The following USP34 variants were observed in gnomAD, a reference collection of about 807,000 sequenced individuals.
USP34 encodes the protein ubiquitin carboxyl-terminal hydrolase 34.
A neutral mutation model predicts 460.3 loss-of-function variants in USP34; 70 were observed. The observed-to-expected ratio is 0.15, with a 90% CI of 0.13 to 0.19. USP34 has a LOEUF of 0.19. Ranked by LOEUF, USP34 falls within the 10% of genes least tolerant of loss-of-function variation. The probability of loss-of-function intolerance (pLI) is 1.00; values close to 1 mark genes in which losing one functional copy is unlikely to be tolerated. For synonymous variants in USP34, 1,647 were observed against 1,405.3 expected, an observed-to-expected ratio of 1.17 and a Z score of -3.85; for missense variants, 3,985 against 4,236.2, an observed-to-expected ratio of 0.94 and a Z score of 1.65.
At chr2:61,192,417 C>T (rs541546370) in intron 76 of USP34, among the ~76,000 whole-genome samples, 6 of 152,318 alleles carry the variant, frequency 3.9e-5, no homozygotes, top group African/African-American at 1.4e-4. Flanking sequence ...AGTAATCTTT[C>T]CTGTTTTCAA....
At chr2:61,308,774 C>T (rs1690492060) in intron 27 of USP34, among the ~76,000 whole-genome samples, 1 of 152,164 alleles carries the variant, frequency 6.6e-6, no homozygotes, top group African/African-American at 2.4e-5. Flanking sequence ...GGCATGGTGG[C>T]TCATGTCTGT....
intron 67 of USP34, among the ~76,000 whole-genome samples, chr2:61,216,982 G>C (rs1053437532): frequency 1.3e-5 from 2 of 149,272 alleles, no homozygotes; most frequent in African/African-American, 2.5e-5. Flanking sequence ...ACATTTCTTT[G>C]AGTTATTTTT....
At chr2:61,467,795 G>C (rs1695822678) in intron 1 of USP34, among the ~76,000 whole-genome samples, 1 of 151,632 alleles carries the variant, frequency 6.6e-6, no homozygotes, top group Admixed American at 6.6e-5. Flanking sequence ...GCTAATTGGT[G>C]AATTTTTAGT....
intron 5 of USP34, 62 bp from the exon 6 acceptor site, chr2:61,383,398 T>C (rs1381572967): frequency 7.8e-7 from 1 of 1,278,562 alleles, no homozygotes; most frequent in Non-Finnish European, 1.1e-6. Context: ...TATCTTTCAC[T>C]AAACTAATGA....
chr2:61,387,120 ATAAG>A (rs895633218), intron 5 of USP34, among the ~76,000 whole-genome samples: 3 of 152,150 alleles, frequency 2.0e-5, no homozygotes, highest in African/African-American at 7.2e-5. Flanking sequence ...AAAAATCCAA[ATAAG>A]TAATATGCCT....
chr2:61,470,075 G>A (rs1420841431), intron 1 of USP34, among the ~76,000 whole-genome samples: 1 of 152,228 alleles, frequency 6.6e-6, no homozygotes, highest in Non-Finnish European at 1.5e-5. Context: ...AAATAGGTAT[G>A]AAGGTTCCAA....
intron 15 of USP34, chr2:61,346,191 A>G (rs970185038): frequency 6.6e-6 from 1 of 152,070 alleles, no homozygotes; most frequent in Non-Finnish European, 1.5e-5. Context: ...TATAATACCA[A>G]CTAGCCATAT....
At position 61,422,728 on chromosome 2, in the gene USP34, GAACT is replaced by G. The variant is rs796757372; in HGVS notation, c.44-1899_44-1896del. On this transcript the variant is annotated intron_variant, in intron 1 of 79. Coordinates refer to ENST00000398571, the MANE Select transcript of USP34 (RefSeq NM_014709.4). ...AAGGATTACACAAGAAGAACTGTTA[GAACT>G]AACAGCCGGTAATCCCAGCACTTTG... Among the ~76,000 whole-genome samples the G allele has an allele frequency of 2.1e-4, 32 of 152,344 alleles. 1 individual carries two copies. Among genetic ancestry groups the G allele is most frequent in the African/African-American group, 7.2e-4 (30 of 41,592 alleles).
chr2:61,188,150 G>C lies in USP34; in HGVS notation c.10593C>G (p.Ile3531Met). The C allele has an allele frequency of 6.2e-7, 1 of 1,614,090 alleles. No homozygotes were observed. Among genetic ancestry groups the C allele is most frequent in the Non-Finnish European group, 8.5e-7 (1 of 1,180,024 alleles). The change falls in exon 80 of 80, where the codon ATC (isoleucine) becomes ATG (methionine). Residue 3531 changes from isoleucine to methionine, a missense_variant. Physicochemically the swap from Ile to Met is conservative, Grantham distance 10. This residue lies in a region of USP34 where 506 missense variants were observed against 439.0 expected (regional missense o/e 1.15). Transcript: ENST00000398571. The part of the protein sequence containing the change: ...DTLCRTIEST[I>M]HVVTRISGKG... The stretch of plus-strand genomic sequence containing the variant: ...TGCCAGATATCCTTGTGACGACATG[G>C]ATTGTAGATTCAATGGTCCTACACA...
chr2:61,348,534 G>T lies in USP34; in HGVS notation c.1675-54C>A, dbSNP rs1011040025. On this transcript the variant is annotated intron_variant, in intron 14 of 79. Coordinates refer to ENST00000398571, the MANE Select transcript of USP34 (RefSeq NM_014709.4). ...AAATATTTAAACCAGTAAGAAAAAAGGTAACCAACATTAATAAACTGTACT... is the reference window on the plus strand; with the variant it reads ...AAATATTTAAACCAGTAAGAAAAAATGTAACCAACATTAATAAACTGTACT... 20 of 1,556,392 alleles carry T rather than the reference G, an allele frequency of 1.3e-5. No individual in the cohort carries two copies. In the Admixed American group the frequency reaches 2.6e-4, roughly 20 times the overall value.
At chr2:61,258,701 G>A (rs763013389) in intron 44 of USP34, among the ~76,000 whole-genome samples, 5 of 152,110 alleles carry the variant, frequency 3.3e-5, no homozygotes, top group East Asian at 3.9e-4. Context: ...CATTCTGTTC[G>A]TAATGAAGAA....
At chr2:61,198,557 CTTTT>C (rs11340973) in intron 75 of USP34, among the ~76,000 whole-genome samples, 26 of 139,538 alleles carry the variant, frequency 1.9e-4, no homozygotes, top group African/African-American at 6.1e-4. Context: ...ATCTGATAGA[CTTTT>C]TTTTTTTTTT....
intron 34 of USP34, 23 bp downstream of exon 34, chr2:61,288,654 A>T: frequency 6.2e-7 from 1 of 1,604,362 alleles, no homozygotes; most frequent in Non-Finnish European, 8.5e-7. Flanking sequence ...ATTCATCATT[A>T]AACATTAATT....
intron 10 of USP34, among the ~76,000 whole-genome samples, chr2:61,351,216 G>C (rs1691933837): frequency 6.6e-6 from 1 of 152,056 alleles, no homozygotes; most frequent in Non-Finnish European, 1.5e-5. Flanking sequence ...ATACAAATAA[G>C]ACAATAAATT....
intron 58 of USP34, among the ~76,000 whole-genome samples, chr2:61,232,230 T>C (rs960677244): frequency 6.6e-6 from 1 of 152,202 alleles, no homozygotes; most frequent in African/African-American, 2.4e-5. Context: ...AATCTTCCTA[T>C]ATCCAGGAAA....
In USP34 at chr2:61,228,957, C is replaced by T; in HGVS notation, c.7238G>A (p.Gly2413Asp). The change falls in exon 60 of 80, where the codon GGT becomes GAT. Residue 2413 changes from glycine (G) to aspartate (D), a missense_variant. This residue lies in a region of USP34 where 604 missense variants were observed against 684.8 expected (regional missense o/e 0.88). Transcript: ENST00000398571. ...CACAAAGCGAGTGACACATGAACGACCACCAATATCTTCTACTGAGGTATC... is the reference window on the plus strand; with the variant it reads ...CACAAAGCGAGTGACACATGAACGATCACCAATATCTTCTACTGAGGTATC... Reference protein sequence around the residue: ...DMDTSVEDIGGRSCVTRFVRT... With the variant: ...DMDTSVEDIGDRSCVTRFVRT... The T allele has an allele frequency of 6.2e-7, 1 of 1,606,480 alleles. No individual in the cohort carries two copies. Among genetic ancestry groups the T allele is most frequent in the Non-Finnish European group, 8.5e-7 (1 of 1,176,446 alleles).
intron 21 of USP34, among the ~76,000 whole-genome samples, chr2:61,322,543 G>T (rs1368135814): frequency 6.6e-6 from 1 of 152,222 alleles, no homozygotes; most frequent in Non-Finnish European, 1.5e-5. Context: ...CATTTTAAGA[G>T]GTTCCAAACC....
Position 61,266,126 on chromosome 2 carries a change from T to A in USP34, c.5475A>T (p.Pro1825=), listed in dbSNP as rs558535715. ...TTGGCTGTTGTCGGTCCTTTAGACT[T>A]GGCAACAAAAACAGGAGATTGAAGA... ...RDIFNLLFLL[P]SLKDRQQPKC... is the part of the protein sequence containing the mutation. The change falls in exon 42 of 80, where the codon CCA becomes CCT. Residue 1825 remains proline (P), a synonymous_variant. Transcript: ENST00000398571. 3 of 1,613,148 alleles carry A rather than the reference T, an allele frequency of 1.9e-6. No individual in the cohort carries two copies. The African/African-American group carries it at 4.0e-5, about 21-fold the overall frequency.
intron 1 of USP34, among the ~76,000 whole-genome samples, chr2:61,446,794 T>C (rs1486791639): frequency 7.4e-5 from 5 of 67,588 alleles, no homozygotes; most frequent in Middle Eastern, 0.02. Flanking sequence ...AGACTCCACA[T>C]CAAAAAAAAA....
Sources: allele counts gnomAD v4.1 joint callset (sites outside exome capture counted in the v4.1 genomes callset), GRCh38; gene constraint gnomAD v4.1.1; regional missense constraint gnomAD v4.1.1; transcripts MANE v1.5; gene names NCBI Gene and HGNC (gene_info 2026-07-23, HGNC 2026-07-21).